CA10: variants seen among roughly 807,000 people sequenced by gnomAD.
CA10 encodes carbonic anhydrase-related protein 10.
In CA10, 14 loss-of-function variants were observed where a neutral mutation model predicts 44.2. That is an observed-to-expected ratio of 0.32 (90% CI 0.21 to 0.50). CA10 has a LOEUF of 0.50. CA10 is among the 20% of genes least tolerant of loss of function. The pLI is 0.99. For missense variants in CA10, 350 were observed against 409.7 expected (o/e 0.85, Z 1.26); for synonymous variants, 159 against 141.6 (o/e 1.12, Z -0.87).
chr17:51,999,596 G>A (rs1476286067), intron 2 of CA10, among the ~76,000 whole-genome samples: 2 of 152,020 alleles, frequency 1.3e-5, no homozygotes, highest in African/African-American at 4.8e-5. Context: ...TTCAGTTCCT[G>A]CTGGACATCC....
At chr17:51,779,277 T>C (rs971678900) in intron 3 of CA10, among the ~76,000 whole-genome samples, 5 of 152,198 alleles carry the variant, frequency 3.3e-5, no homozygotes, top group African/African-American at 7.2e-5. Context: ...GATGGAATTC[T>C]GGCCACAAGT....
At chr17:51,917,866 A>G (rs1982067026) in intron 3 of CA10, among the ~76,000 whole-genome samples, 1 of 152,170 alleles carries the variant, frequency 6.6e-6, no homozygotes, top group African/African-American at 2.4e-5. Flanking sequence ...GGATCAGGCT[A>G]TGGTTGGACT....
At chr17:51,839,579 T>G (rs182153228) in intron 3 of CA10, among the ~76,000 whole-genome samples, 2 of 142,552 alleles carry the variant, frequency 1.4e-5, no homozygotes, top group Admixed American at 7.0e-5. Flanking sequence ...AAGTAAAAAA[T>G]TCATTGATTG....
chr17:51,724,515 C>T (rs971964823), intron 4 of CA10, among the ~76,000 whole-genome samples: 1 of 152,228 alleles, frequency 6.6e-6, no homozygotes, highest in Non-Finnish European at 1.5e-5. Context: ...ATTCCTCACT[C>T]TGTCTTTGCT....
Position 51,890,713 on chromosome 17 carries a change from T to C in CA10, c.279+40277A>G, listed in dbSNP as rs138071794. Reference sequence around the variant, plus strand: ...ATAGTTTCAAACCCGTAAAAAATATTTATTGGGTCACTAGTATATATAGTG... The same window carrying C: ...ATAGTTTCAAACCCGTAAAAAATATCTATTGGGTCACTAGTATATATAGTG... On this transcript the variant is annotated intron_variant, in intron 3 of 8. Transcript: ENST00000451037. Among the ~76,000 whole-genome samples the C allele has an allele frequency of 1.2e-3, 189 of 152,268 alleles. 4 individuals carry two copies. The South Asian group carries it at 0.022, about 18-fold the overall frequency.
In CA10 at chr17:51,919,977, G is replaced by T. The variant is rs112635715; in HGVS notation, c.279+11013C>A. 3.1e-3 allele frequency among the ~76,000 whole-genome samples: 473 copies of T among 152,254 alleles called. 1 individual carries two copies. The highest frequency in any genetic ancestry group is 0.011 in the African/African-American group (456 of 41,554). ...AAATGCCTGTTAGTTTTATCTGTGG[G>T]ATTATGTAACCAGAAAACTAAAGTG... On this transcript the variant is annotated intron_variant, in intron 3 of 8. Coordinates refer to ENST00000451037, the MANE Select transcript of CA10 (RefSeq NM_020178.5).
At chr17:52,105,290 T>C (rs972013607) in intron 1 of CA10, among the ~76,000 whole-genome samples, 10 of 152,156 alleles carry the variant, frequency 6.6e-5, no homozygotes, top group African/African-American at 2.4e-4. Flanking sequence ...GTCTTGGCTC[T>C]GTCGCCCAGG....
intron 3 of CA10, among the ~76,000 whole-genome samples, chr17:51,929,043 A>C (rs1311687644): frequency 6.6e-6 from 1 of 152,176 alleles, no homozygotes; most frequent in Non-Finnish European, 1.5e-5. Context: ...ACTCCAATGC[A>C]TTTGAAAATT....
intron 5 of CA10, among the ~76,000 whole-genome samples, chr17:51,651,619 C>G (rs902097970): frequency 4.6e-5 from 7 of 152,200 alleles, no homozygotes; most frequent in African/African-American, 1.7e-4. Flanking sequence ...CTGCTAGTCA[C>G]CAGCTCGGTA....
chr17:52,102,598 C>G (rs139306903), intron 1 of CA10, among the ~76,000 whole-genome samples: 21 of 152,284 alleles, frequency 1.4e-4, no homozygotes, highest in African/African-American at 4.3e-4. Context: ...ACAGACAAAA[C>G]GAGGCAACTA....
At chr17:51,896,695 C>T (rs188852818) in intron 3 of CA10, among the ~76,000 whole-genome samples, 1 of 152,234 alleles carries the variant, frequency 6.6e-6, no homozygotes, top group Non-Finnish European at 1.5e-5. Flanking sequence ...ATTTACACTC[C>T]CACCAGCAGT....
chr17:51,774,923 C>T (rs1048497747), intron 3 of CA10, among the ~76,000 whole-genome samples: 51 of 152,280 alleles, frequency 3.3e-4, no homozygotes, highest in African/African-American at 1.2e-3. Context: ...TCTCCAAGCA[C>T]TTATAAGTAC....
At chr17:51,643,706 C>A (rs17695385) in intron 6 of CA10, among the ~76,000 whole-genome samples, 8,911 of 152,248 alleles carry the variant, frequency 0.059, 318 homozygotes, top group South Asian at 0.091. Flanking sequence ...ATTGCATTTA[C>A]CTTCAACATA....
At chr17:51,879,801 G>A (rs986848443) in intron 3 of CA10, among the ~76,000 whole-genome samples, 2 of 152,154 alleles carry the variant, frequency 1.3e-5, no homozygotes, top group African/African-American at 4.8e-5. Context: ...CCACATTAGG[G>A]AGGAGAATTC....
intron 3 of CA10, among the ~76,000 whole-genome samples, chr17:51,818,822 C>T (rs1395898239): frequency 3.3e-5 from 5 of 152,136 alleles, no homozygotes; most frequent in Non-Finnish European, 5.9e-5. Flanking sequence ...ATGTGTAAAA[C>T]AAGAATAATA....
At chr17:51,692,075 A>C (rs1014953258) in intron 4 of CA10, among the ~76,000 whole-genome samples, 4 of 118,564 alleles carry the variant, frequency 3.4e-5, no homozygotes, top group Non-Finnish European at 6.9e-5. Flanking sequence ...GAATCAGTAG[A>C]CCATTCTGGG....
At chr17:51,645,796 G>A (rs978655792) in intron 6 of CA10, among the ~76,000 whole-genome samples, 1 of 152,156 alleles carries the variant, frequency 6.6e-6, no homozygotes, top group Non-Finnish European at 1.5e-5. Flanking sequence ...CTTCTACTAT[G>A]GAAGAATATT....
At chr17:52,065,932 CAGTG>C (rs767522560) in intron 2 of CA10, among the ~76,000 whole-genome samples, 47 of 152,160 alleles carry the variant, frequency 3.1e-4, no homozygotes, top group African/African-American at 1.1e-3. Context: ...GTTCTCTTGA[CAGTG>C]AGTGAGTTTT....
intron 3 of CA10, among the ~76,000 whole-genome samples, chr17:51,860,928 C>T (rs974341721): frequency 8.5e-5 from 13 of 152,278 alleles, no homozygotes; most frequent in East Asian, 1.9e-4. Context: ...TCCCCACAAC[C>T]TGTGGGCTGT....
Sources: allele counts gnomAD v4.1 joint callset (sites outside exome capture counted in the v4.1 genomes callset), GRCh38; gene constraint gnomAD v4.1.1; transcripts MANE v1.5; gene names NCBI Gene and HGNC (gene_info 2026-07-23, HGNC 2026-07-21).